The following SYNE1 variants were observed in gnomAD, a reference collection of about 807,000 sequenced individuals.
SYNE1 encodes the protein spectrin repeat containing nuclear envelope protein 1.
In SYNE1, 616 loss-of-function variants were observed where a neutral mutation model predicts 1,111.0. The ratio of observed to expected loss-of-function variants is 0.55; its 90% CI spans 0.52 to 0.59. The LOEUF is 0.59. SYNE1 is among the 20% of genes least tolerant of loss of function. SYNE1 has a pLI of 0.00. For synonymous variants in SYNE1, 3,855 were observed against 3,825.8 expected, an observed-to-expected ratio of 1.01 and a Z score of -0.28; for missense variants, 10,006 against 10,417.0, an observed-to-expected ratio of 0.96 and a Z score of 1.72.
In SYNE1 at chr6:152,149,536, ACC is replaced by A; in HGVS notation, c.24581_24582del (p.Arg8194LeufsTer14). The A allele has an allele frequency of 6.2e-7, 1 of 1,614,144 alleles. No individual in the cohort carries two copies. The highest frequency in any genetic ancestry group is 8.5e-7 in the Non-Finnish European group (1 of 1,179,978). ...IIEEELDELR[R>X]YCQEVFGRVE... The stretch of plus-strand genomic sequence containing the variant: ...ACACGCCCGAAGACCTCCTGGCAGT[ACC>A]GTCGGAGCTCATCTAGTTCCTCCTC... On this transcript the variant is annotated frameshift_variant, in exon 136 of 146. Coordinates refer to ENST00000367255, the MANE Select transcript of SYNE1 (RefSeq NM_182961.4). LOFTEE classifies it high-confidence loss of function.
At chr6:152,612,171 A>G (rs1439034983) in intron 3 of SYNE1, among the ~76,000 whole-genome samples, 1 of 151,880 alleles carries the variant, frequency 6.6e-6, no homozygotes, top group Non-Finnish European at 1.5e-5. Context: ...AGAGATAGGG[A>G]AACAAAAAGC....
chr6:152,429,778 A>G (rs2098411226), intron 36 of SYNE1, among the ~76,000 whole-genome samples: 1 of 152,104 alleles, frequency 6.6e-6, no homozygotes, highest in South Asian at 2.1e-4. Context: ...ATACACATAT[A>G]TTTTTCCTTG....
At chr6:152,607,668 C>G (rs2099619759) in intron 3 of SYNE1, among the ~76,000 whole-genome samples, 1 of 152,158 alleles carries the variant, frequency 6.6e-6, no homozygotes, top group South Asian at 2.1e-4. Context: ...TTTGACCCAA[C>G]AATCCCATTA....
At chr6:152,443,566 T>TACTCA (rs2098552222) in intron 30 of SYNE1, among the ~76,000 whole-genome samples, 2 of 152,198 alleles carry the variant, frequency 1.3e-5, no homozygotes, top group Non-Finnish European at 2.9e-5. Context: ...GCCCGGCCTA[T>TACTCA]ACTCAGCCTT....
intron 11 of SYNE1, among the ~76,000 whole-genome samples, chr6:152,494,464 C>A (rs1321407642): frequency 6.6e-6 from 1 of 152,164 alleles, no homozygotes; most frequent in Non-Finnish European, 1.5e-5. Flanking sequence ...TTATTGATGG[C>A]AGTTCCACCA....
Position 152,399,759 on chromosome 6 carries a change from C to T in SYNE1, c.7094G>A (p.Ser2365Asn), listed in dbSNP as rs2097784562. ...NISSTQENLN[S>N]LCRKYHSAEL... is the part of the protein sequence containing the mutation. ...AGCTGAGTGGTACTTGCGGCACAAG[C>T]TATTGAGATTTTCTTGGGTAGAGCT... The change falls in exon 48 of 146, where the codon AGC (serine) becomes AAC (asparagine). Residue 2365 changes from serine (S) to asparagine (N), a missense_variant. Coordinates refer to ENST00000367255, the MANE Select transcript of SYNE1 (RefSeq NM_182961.4). 5 of 1,613,962 alleles carry T rather than the reference C, an allele frequency of 3.1e-6. No individual in the cohort carries two copies. The highest frequency in any genetic ancestry group is 3.4e-6 in the Non-Finnish European group (4 of 1,180,010).
rs550760741 is a variant in SYNE1, at chr6:152,223,622, A to C, written c.21522+872T>G. Among the ~76,000 whole-genome samples, 3 of 147,532 alleles carry C rather than the reference A, an allele frequency of 2.0e-5. No homozygotes were observed. In the East Asian group the frequency reaches 6.5e-4, roughly 32 times the overall value. ...GACAGAGCGAGACTCTGTCTCAAAA[A>C]GGAAGGAGGGGAGGGGAGGGAAGGA... On this transcript the variant is annotated intron_variant, in intron 117 of 145. Coordinates refer to ENST00000367255, the MANE Select transcript of SYNE1 (RefSeq NM_182961.4).
intron 37 of SYNE1, 88 bp downstream of exon 37, chr6:152,428,117 G>A: frequency 6.5e-7 from 1 of 1,544,826 alleles, no homozygotes; most frequent in Non-Finnish European, 8.9e-7. Context: ...TTTTGCATCT[G>A]GGATAACTAC....
chr6:152,367,604 C>T (rs1258657617), intron 61 of SYNE1: 5 of 575,164 alleles, frequency 8.7e-6, no homozygotes, highest in Middle Eastern at 9.6e-4. Flanking sequence ...CAATTTTATG[C>T]CTCTCCAATT....
chr6:152,452,871 C>T (rs2098662994), intron 25 of SYNE1, among the ~76,000 whole-genome samples: 1 of 152,216 alleles, frequency 6.6e-6, no homozygotes, highest in African/African-American at 2.4e-5. Flanking sequence ...TTCACGCTCT[C>T]CTGCTTTCTC....
At position 152,136,957 on chromosome 6, in the gene SYNE1, C is replaced by T. The variant is rs368340917; in HGVS notation, c.25459-139G>A. On this transcript the variant is annotated intron_variant, in intron 140 of 145. Transcript: ENST00000367255. ...ATGGCTAGGTAAAAGACAGAGGGTGCGTACCACTGAGAACTGTATGGCAGT... is the reference window on the plus strand; with the variant it reads ...ATGGCTAGGTAAAAGACAGAGGGTGTGTACCACTGAGAACTGTATGGCAGT... 132 of 848,918 alleles carry T rather than the reference C, an allele frequency of 1.6e-4. 2 individuals carry two copies. Among genetic ancestry groups the T allele is most frequent in the South Asian group, 1.5e-3 (103 of 68,794 alleles). The allele number at this position is 848,918 out of a possible 1,614,324, so 52.6% of individuals were successfully genotyped here.
intron 132 of SYNE1, among the ~76,000 whole-genome samples, chr6:152,155,663 G>GTATA (rs2061256390): frequency 6.6e-6 from 1 of 152,094 alleles, no homozygotes; most frequent in Admixed American, 6.6e-5. Context: ...TGACAAGGGT[G>GTATA]TATTTTTATG....
intron 82 of SYNE1, among the ~76,000 whole-genome samples, 159 bp from the exon 83 acceptor site, chr6:152,322,045 T>C (rs2095880687): frequency 6.6e-6 from 1 of 152,224 alleles, no homozygotes; most frequent in Non-Finnish European, 1.5e-5. Context: ...CTGCAGTTCA[T>C]GTATAAATGT....
At position 152,383,310 on chromosome 6, in the gene SYNE1, AT is replaced by A. The variant is rs1161754209; in HGVS notation, c.8653-1949del. The stretch of plus-strand genomic sequence containing the variant: ...TGAAAGAATTATCTTACTTTCTCTT[AT>A]TTATTAACTTTTTGAAACATTAGTC... On this transcript the variant is annotated intron_variant, in intron 55 of 145. Coordinates refer to ENST00000367255, the MANE Select transcript of SYNE1 (RefSeq NM_182961.4). 3.3e-5 allele frequency among the ~76,000 whole-genome samples: 5 copies of A among 152,128 alleles called. No homozygotes were observed. In the East Asian group the frequency reaches 9.6e-4, roughly 29 times the overall value.
At chr6:152,349,847 T>C (rs1231553188) in intron 72 of SYNE1, among the ~76,000 whole-genome samples, 1 of 152,094 alleles carries the variant, frequency 6.6e-6, no homozygotes, top group Non-Finnish European at 1.5e-5. Context: ...AAAGGGGAGT[T>C]TCCCTGGAAA....
chr6:152,285,986 T>C (rs918536788), intron 95 of SYNE1, among the ~76,000 whole-genome samples: 5 of 152,202 alleles, frequency 3.3e-5, no homozygotes, highest in Non-Finnish European at 7.3e-5. Context: ...CAGCATTTCA[T>C]AGTTTCCAAT....
At chr6:152,383,171 A>G (rs987505551) in intron 55 of SYNE1, among the ~76,000 whole-genome samples, 2 of 152,124 alleles carry the variant, frequency 1.3e-5, no homozygotes, top group Non-Finnish European at 2.9e-5. Context: ...CACTTTCTCC[A>G]TCCCAATTTC....
chr6:152,164,825 G>A (rs984734633), intron 130 of SYNE1, among the ~76,000 whole-genome samples: 12 of 152,148 alleles, frequency 7.9e-5, no homozygotes, highest in Admixed American at 6.5e-4. Context: ...TCGCCTTTTG[G>A]TTCAGGAAAT....
chr6:152,361,522 C>T (rs1382078331), intron 64 of SYNE1, among the ~76,000 whole-genome samples: 1 of 151,978 alleles, frequency 6.6e-6, no homozygotes, highest in Non-Finnish European at 1.5e-5. Flanking sequence ...AATGAGGTTT[C>T]CAATGTAATA....
Sources: allele counts gnomAD v4.1 joint callset (sites outside exome capture counted in the v4.1 genomes callset), GRCh38; gene constraint gnomAD v4.1.1; transcripts MANE v1.5; gene names NCBI Gene and HGNC (gene_info 2026-07-23, HGNC 2026-07-21).